The following PALM2AKAP2 variants were observed in gnomAD, a reference collection of about 807,000 sequenced individuals.
PALM2AKAP2 encodes the protein PALM2 and AKAP2 fusion.
PALM2AKAP2 carries 37 observed loss-of-function variants against 71.5 expected under a neutral mutation model. The ratio of observed to expected loss-of-function variants is 0.52; its 90% CI spans 0.40 to 0.68. The LOEUF is 0.68. Ranked by LOEUF, PALM2AKAP2 falls within the 30% of genes least tolerant of loss-of-function variation. The pLI, the probability that PALM2AKAP2 is intolerant of heterozygous loss-of-function variation, is 0.00. For synonymous variants in PALM2AKAP2, 468 were observed against 478.8 expected (o/e 0.98, Z 0.29); for missense variants, 1,224 against 1,191.8 (o/e 1.03, Z -0.40).
intron 1 of PALM2AKAP2, among the ~76,000 whole-genome samples, chr9:110,060,687 C>T (rs1000814473): frequency 1.3e-5 from 2 of 152,114 alleles, no homozygotes; most frequent in Non-Finnish European, 2.9e-5. Flanking sequence ...CTGCAACCTC[C>T]GCCTCCTGGG....
chr9:109,960,439 T>C (rs987150780), intron 6 of PALM2AKAP2, among the ~76,000 whole-genome samples: 69 of 152,318 alleles, frequency 4.5e-4, no homozygotes, highest in African/African-American at 1.5e-3. Context: ...ACTTTCACCC[T>C]GAGACACAGA....
chr9:110,146,108 C>G (rs1836163517), intron 2 of PALM2AKAP2, among the ~76,000 whole-genome samples: 2 of 151,940 alleles, frequency 1.3e-5, no homozygotes, highest in Admixed American at 1.3e-4. Context: ...CCGTGTTAGC[C>G]AGGATGGTCT....
chr9:109,736,591 AAATTT>A (rs1443648044), intron 1 of PALM2AKAP2, among the ~76,000 whole-genome samples: 2 of 151,750 alleles, frequency 1.3e-5, no homozygotes, highest in Non-Finnish European at 2.9e-5. Context: ...ATATATTTTA[AAATTT>A]AATTTATTTT....
intron 1 of PALM2AKAP2, among the ~76,000 whole-genome samples, chr9:110,117,173 G>A (rs141890959): frequency 6.6e-6 from 1 of 152,252 alleles, no homozygotes; most frequent in African/African-American, 2.4e-5. Context: ...AGACTGGAGT[G>A]CAGTGATGTG....
At chr9:109,919,759 G>A (rs558771958) in intron 3 of PALM2AKAP2, among the ~76,000 whole-genome samples, 30 of 148,162 alleles carry the variant, frequency 2.0e-4, no homozygotes, top group African/African-American at 5.6e-4. Context: ...GTGTGTGTGT[G>A]TGTGTGTATA....
intron 3 of PALM2AKAP2, among the ~76,000 whole-genome samples, chr9:109,900,359 G>T (rs539270413): frequency 3.9e-5 from 6 of 152,162 alleles, no homozygotes; most frequent in African/African-American, 9.7e-5. Flanking sequence ...GTCATGCATC[G>T]CAATGGCAAA....
intron 1 of PALM2AKAP2, among the ~76,000 whole-genome samples, chr9:109,687,621 G>A (rs1827823373): frequency 6.6e-6 from 1 of 152,186 alleles, no homozygotes; most frequent in Non-Finnish European, 1.5e-5. Flanking sequence ...GAATGTTGTG[G>A]CTGGTTTGAC....
intron 1 of PALM2AKAP2, among the ~76,000 whole-genome samples, chr9:109,701,866 A>G (rs1199855895): frequency 1.3e-5 from 2 of 152,230 alleles, no homozygotes; most frequent in Non-Finnish European, 2.9e-5. Context: ...GCTAATATCC[A>G]GAATCTACAA....
chr9:109,697,525 A>G (rs1393942288), intron 1 of PALM2AKAP2, among the ~76,000 whole-genome samples: 1 of 152,162 alleles, frequency 6.6e-6, no homozygotes, highest in Non-Finnish European at 1.5e-5. Flanking sequence ...AAGCATTAGT[A>G]TTTTCAAATA....
chr9:109,841,436 A>T (rs1828671310), intron 1 of PALM2AKAP2, among the ~76,000 whole-genome samples: 2 of 143,536 alleles, frequency 1.4e-5, no homozygotes, highest in South Asian at 4.7e-4. Flanking sequence ...TAATGGGTGC[A>T]GCACACCAAC....
chr9:109,784,623 G>A (rs755011589), intron 1 of PALM2AKAP2, among the ~76,000 whole-genome samples: 2 of 152,212 alleles, frequency 1.3e-5, no homozygotes, highest in Non-Finnish European at 2.9e-5. Flanking sequence ...AAGCTTATGA[G>A]GTAGGCACTA....
chr9:110,120,577 A>T (rs1835462755), intron 1 of PALM2AKAP2, among the ~76,000 whole-genome samples: 1 of 152,178 alleles, frequency 6.6e-6, no homozygotes, highest in Non-Finnish European at 1.5e-5. Context: ...ATCTCGGCTC[A>T]CTGCAACCTC....
chr9:110,146,606 A>AAAC (rs1425943959), intron 2 of PALM2AKAP2, among the ~76,000 whole-genome samples: 1 of 152,170 alleles, frequency 6.6e-6, no homozygotes. Flanking sequence ...GAACTAATCA[A>AAAC]AACCAGGCTT....
At chr9:110,038,935 C>CAAAAAAAAAAAAAA (rs71373959) in intron 7 of PALM2AKAP2, among the ~76,000 whole-genome samples, 17 of 78,334 alleles carry the variant, frequency 2.2e-4, no homozygotes, top group African/African-American at 4.8e-4. Flanking sequence ...AACTCGGTCT[C>CAAAAAAAAAAAAAA]AAAAAAAAAA....
intron 1 of PALM2AKAP2, among the ~76,000 whole-genome samples, chr9:109,800,455 ACTCAGAT>A (rs1827393442): frequency 6.6e-6 from 1 of 152,130 alleles, no homozygotes; most frequent in Admixed American, 6.5e-5. Flanking sequence ...CCAGATTCAA[ACTCAGAT>A]CTGTCTGGCT....
intron 1 of PALM2AKAP2, among the ~76,000 whole-genome samples, chr9:109,699,676 G>A (rs1828023507): frequency 6.6e-6 from 1 of 152,098 alleles, no homozygotes; most frequent in African/African-American, 2.4e-5. Context: ...AAAATATTAA[G>A]ATTGATTATT....
chr9:109,911,974 G>A (rs1830579325), intron 3 of PALM2AKAP2, among the ~76,000 whole-genome samples: 1 of 152,170 alleles, frequency 6.6e-6, no homozygotes, highest in South Asian at 2.1e-4. Context: ...TGGGTTGGGG[G>A]GCTGGGGGAA....
At chr9:110,033,900 A>C (rs1564270406) in intron 7 of PALM2AKAP2, among the ~76,000 whole-genome samples, 2 of 152,224 alleles carry the variant, frequency 1.3e-5, no homozygotes. Context: ...CTTTATAAGC[A>C]TGAACTTATC....
In PALM2AKAP2 at chr9:109,858,636, C is replaced by T. The variant is rs77681520; in HGVS notation, c.46-8855C>T. Among the ~76,000 whole-genome samples the T allele has an allele frequency of 4.1e-3, 619 of 152,250 alleles. 4 individuals are homozygous for T. The highest frequency in any genetic ancestry group is 5.8e-3 in the Non-Finnish European group (395 of 68,018). On this transcript the variant is annotated intron_variant, in intron 1 of 9. Transcript: ENST00000302798. ...ACGGAGAGGGATGAGATGGAGATCACATTCTTCGGGAGAGTTTGATTCTGT... is the reference window on the plus strand; with the variant it reads ...ACGGAGAGGGATGAGATGGAGATCATATTCTTCGGGAGAGTTTGATTCTGT...
Sources: allele counts gnomAD v4.1 joint callset (sites outside exome capture counted in the v4.1 genomes callset), GRCh38; gene constraint gnomAD v4.1.1; transcripts MANE v1.5; gene names NCBI Gene and HGNC (gene_info 2026-07-23, HGNC 2026-07-21).